The following RAP1GAP variants were observed in gnomAD, a reference collection of about 807,000 sequenced individuals.
RAP1GAP encodes RAP1 GTPase activating protein, also known as rap1 GTPase-activating protein 1.
Under a neutral mutation model 87.2 loss-of-function variants are expected in RAP1GAP, and 35 were observed. The observed-to-expected ratio is 0.40, with a 90% CI of 0.31 to 0.53. The LOEUF (loss-of-function observed/expected upper bound fraction) is 0.53. RAP1GAP is among the 20% of genes least tolerant of loss of function. The pLI is 0.48. For missense variants in RAP1GAP, 734 were observed against 898.9 expected (o/e 0.82, Z 2.35); for synonymous variants, 375 against 363.9 (o/e 1.03, Z -0.35).
At chr1:21,633,857 C>A (rs2094237503) in intron 2 of RAP1GAP, among the ~76,000 whole-genome samples, 1 of 152,020 alleles carries the variant, frequency 6.6e-6, no homozygotes, top group East Asian at 1.9e-4. Flanking sequence ...GTTCTACCAC[C>A]CATGTGGGGT....
intron 7 of RAP1GAP, among the ~76,000 whole-genome samples, chr1:21,616,064 G>T (rs1203669562): frequency 6.6e-6 from 1 of 151,838 alleles, no homozygotes; most frequent in Non-Finnish European, 1.5e-5. Flanking sequence ...GTCTCCCAGA[G>T]TTAGGCCAAT....
chr1:21,650,351 C>A (rs2096464889), intron 1 of RAP1GAP, among the ~76,000 whole-genome samples: 1 of 152,104 alleles, frequency 6.6e-6, no homozygotes, highest in Non-Finnish European at 1.5e-5. Context: ...CACACGTACC[C>A]TGCTCCCTAA....
intron 3 of RAP1GAP, among the ~76,000 whole-genome samples, chr1:21,621,051 C>T (rs929776130): frequency 2.6e-5 from 4 of 152,286 alleles, no homozygotes; most frequent in South Asian, 4.1e-4. Context: ...TACACATTGG[C>T]GTTCTGAGTT....
At chr1:21,605,921 T>C in intron 18 of RAP1GAP, 145 bp downstream of exon 18, 3 of 1,067,008 alleles carry the variant, frequency 2.8e-6, no homozygotes, top group Non-Finnish European at 4.0e-6. Flanking sequence ...CCATGGAAAG[T>C]AGTGGCTAGA....
chr1:21,651,852 G>A (rs992150679), intron 1 of RAP1GAP: 3 of 1,110,676 alleles, frequency 2.7e-6, no homozygotes, highest in Non-Finnish European at 3.3e-6. Flanking sequence ...GGCCCGGCCC[G>A]CGCGAGCCGG....
Position 21,653,576 on chromosome 1 carries a change from C to CTTCT in RAP1GAP, c.-148-3781_-148-3780insAGAA, listed in dbSNP as rs1241509703. ...CCTTCCTTCCTTCCTTCCTTCCTTC[C>CTTCT]TTCCTTCCTTCCTTCCTCCCTCCCT... On this transcript the variant is annotated intron_variant, in intron 1 of 24. Coordinates refer to ENST00000374765, the MANE Select transcript of RAP1GAP (RefSeq NM_002885.4). Among the ~76,000 whole-genome samples the CTTCT allele has an allele frequency of 1.6e-4, 21 of 134,078 alleles. No individual in the cohort carries two copies. The East Asian group carries it at 3.1e-3, about 20-fold the overall frequency. The allele number at this position is 134,078 out of a possible 152,430, so 88.0% of individuals were successfully genotyped here.
At chr1:21,617,674 G>T (rs1168301605) in intron 6 of RAP1GAP, among the ~76,000 whole-genome samples, 183 bp from the exon 7 acceptor site, 1 of 152,208 alleles carries the variant, frequency 6.6e-6, no homozygotes, top group Non-Finnish European at 1.5e-5. Flanking sequence ...CCCAGACAGC[G>T]CCGAGACCCA....
chr1:21,643,162 G>C (rs1013306929), intron 2 of RAP1GAP, among the ~76,000 whole-genome samples: 1 of 152,182 alleles, frequency 6.6e-6, no homozygotes, highest in Non-Finnish European at 1.5e-5. Context: ...GGCCCTAGGA[G>C]GGTGTCCCCA....
rs995379585 is a variant in RAP1GAP at position 21,613,056 on chromosome 1, T to C, written c.528+120A>G. 1.8e-6 allele frequency: 2 copies of C among 1,110,200 alleles called. No homozygotes were observed. The highest frequency in any genetic ancestry group is 1.3e-5 in the South Asian group (1 of 75,364). The allele number at this position is 1,110,200 out of a possible 1,614,324, so 68.8% of individuals were successfully genotyped here. ...CAAATTGTGGACTTCACAGGGTTATTGTGAGGATTAAATGAGAGAACCTTG... is the reference window on the plus strand; with the variant it reads ...CAAATTGTGGACTTCACAGGGTTATCGTGAGGATTAAATGAGAGAACCTTG... On this transcript the variant is annotated intron_variant, in intron 10 of 24. Coordinates refer to ENST00000374765, the MANE Select transcript of RAP1GAP (RefSeq NM_002885.4). This position sits in a 1 kb window ranked among gnomAD's most constrained non-coding sequence, Gnocchi z 4.7.
At chr1:21,625,743 T>A (rs916702587) in intron 3 of RAP1GAP, among the ~76,000 whole-genome samples, 2 of 152,230 alleles carry the variant, frequency 1.3e-5, no homozygotes, top group African/African-American at 4.8e-5. Context: ...ATTGCTTTAC[T>A]GGACTGTGGC....
rs2091247514 is a variant in RAP1GAP, at chr1:21,624,922, T to C, written c.-19+1382A>G. 2.0e-5 allele frequency among the ~76,000 whole-genome samples: 3 copies of C among 152,212 alleles called. No homozygotes were observed. The South Asian group carries it at 6.2e-4, about 32-fold the overall frequency. ...CTGTGGTCCGAGGGCATACAGCCCTTGGTGAGAACCCAGGGCTCCTCCTGA... is the reference window on the plus strand; with the variant it reads ...CTGTGGTCCGAGGGCATACAGCCCTCGGTGAGAACCCAGGGCTCCTCCTGA... On this transcript the variant is annotated intron_variant, in intron 3 of 24. Transcript: ENST00000374765.
intron 1 of RAP1GAP, chr1:21,651,593 A>AACAC: frequency 1.4e-6 from 1 of 696,878 alleles, no homozygotes; most frequent in Non-Finnish European, 2.7e-6. Context: ...CAGAAACAGA[A>AACAC]ACACACACAC....
At chr1:21,616,432 C>T (rs941966087) in intron 7 of RAP1GAP, among the ~76,000 whole-genome samples, 20 of 152,296 alleles carry the variant, frequency 1.3e-4, no homozygotes, top group African/African-American at 4.3e-4. Context: ...AGAAGCTTTG[C>T]GTGTACTTTT....
At chr1:21,608,792 G>A (rs1172149918) in intron 16 of RAP1GAP, 58 bp downstream of exon 16, 2 of 1,514,678 alleles carry the variant, frequency 1.3e-6, no homozygotes, top group African/African-American at 1.4e-5. Flanking sequence ...GGACAGGGCT[G>A]AAGTTATAGG....
intron 20 of RAP1GAP, among the ~76,000 whole-genome samples, chr1:21,600,252 C>T (rs987293414): frequency 1.3e-5 from 2 of 152,220 alleles, no homozygotes; most frequent in African/African-American, 4.8e-5. Context: ...GGCTCTCGCT[C>T]CAGGAGTCCT....
At chr1:21,627,564 C>T (rs866174652) in intron 2 of RAP1GAP, among the ~76,000 whole-genome samples, 87 of 152,062 alleles carry the variant, frequency 5.7e-4, no homozygotes, top group South Asian at 6.2e-4. Flanking sequence ...TGCAGGCATG[C>T]GCCACCATGC....
chr1:21,631,790 C>T (rs1213389931), intron 2 of RAP1GAP, among the ~76,000 whole-genome samples: 1 of 152,140 alleles, frequency 6.6e-6, no homozygotes, highest in East Asian at 1.9e-4. Context: ...AGTGACAAGC[C>T]CCAGGTCGCA....
At position 21,626,327 on chromosome 1, in the gene RAP1GAP, A is replaced by G; in HGVS notation, c.-42T>C. 6.2e-7 allele frequency: 1 copy of G among 1,611,200 alleles called. No homozygotes were observed. The highest frequency in any genetic ancestry group is 8.5e-7 in the Non-Finnish European group (1 of 1,177,426). On this transcript the variant is annotated 5_prime_UTR_variant, in exon 3 of 25. Coordinates refer to ENST00000374765, the MANE Select transcript of RAP1GAP (RefSeq NM_002885.4). ...ACCTTAGGGTAGAGTGAAGGAGTAT[A>G]GGAGGGAACTAAGTTCACTCGTGAC...
intron 1 of RAP1GAP, chr1:21,651,969 G>A (rs1364730332): frequency 3.3e-6 from 2 of 614,254 alleles, no homozygotes; most frequent in African/African-American, 2.0e-5. Context: ...TCCAGCTGCC[G>A]GGGGCCGCCG....
Sources: gnomAD v4.1 joint callset for allele counts (sites outside exome capture counted in the v4.1 genomes callset) on GRCh38, gnomAD v4.1.1 for gene constraint, Gnocchi (gnomAD v3.1) non-coding constraint, MANE v1.5 for transcripts, NCBI Gene and HGNC (gene_info 2026-07-23, HGNC 2026-07-21) for gene names.